Variants in UGT2A3 observed in about 807,000 individuals in gnomAD.
UGT2A3 encodes the protein UDP-glucuronosyltransferase 2A3.
In UGT2A3, 55 loss-of-function variants were observed where a neutral mutation model predicts 44.1. The ratio of observed to expected loss-of-function variants is 1.25; its 90% CI spans 1.00 to 1.56. The LOEUF (loss-of-function observed/expected upper bound fraction) is 1.56. Among genes scored for constraint, UGT2A3 ranks in the 40% most tolerant of loss-of-function variants. The pLI, the probability that UGT2A3 is intolerant of heterozygous loss-of-function variation, is 0.00. For synonymous variants in UGT2A3, 243 were observed against 215.1 expected, an observed-to-expected ratio of 1.13 and a Z score of -1.13; for missense variants, 733 against 621.6, an observed-to-expected ratio of 1.18 and a Z score of -1.91.
At chr4:68,940,398 G>A (rs1280323222) in intron 2 of UGT2A3, among the ~76,000 whole-genome samples, 2 of 151,978 alleles carry the variant, frequency 1.3e-5, no homozygotes, top group Non-Finnish European at 2.9e-5. Flanking sequence ...GTCCTTTTGA[G>A]GGACATGGAT....
chr4:68,941,441 A>T (rs562716188), intron 2 of UGT2A3, among the ~76,000 whole-genome samples: 2 of 151,956 alleles, frequency 1.3e-5, no homozygotes, highest in Non-Finnish European at 2.9e-5. Context: ...ATCCACATGC[A>T]GAAAATGAAA....
At position 68,951,563 on chromosome 4, in the gene UGT2A3, G is replaced by A. The variant is rs939109553; in HGVS notation, c.198C>T (p.Tyr66=). ...LTHSKPSLID[Y]RKPSALKFEV... ...CAAATTTCAATGCAGAAGGCTTCCT[G>A]TAGTCAATTAACGAAGGCTTTGAGT... The change falls in exon 1 of 6, where the codon TAC becomes TAT. Residue 66 remains tyrosine (Y), a synonymous_variant. Coordinates refer to ENST00000251566, the MANE Select transcript of UGT2A3 (RefSeq NM_024743.4). The A allele has an allele frequency of 1.9e-6, 3 of 1,612,946 alleles. No homozygotes were observed. The highest frequency in any genetic ancestry group is 2.5e-6 in the Non-Finnish European group (3 of 1,179,476).
At position 68,945,338 on chromosome 4, in the gene UGT2A3, A is replaced by G. The variant is rs1287409897; in HGVS notation, c.832T>C (p.Leu278=). 4 of 1,611,372 alleles carry G rather than the reference A, an allele frequency of 2.5e-6. No individual in the cohort carries two copies. ...YQPNFEFVGG[L]HCKPAKALPK... is the part of the protein sequence containing the mutation. ...AAAGCTTTGGCAGGTTTACAGTGCAATCCTCCAACAAACTCAAAGTTAGGT... is the reference window on the plus strand; with the variant it reads ...AAAGCTTTGGCAGGTTTACAGTGCAGTCCTCCAACAAACTCAAAGTTAGGT... The change falls in exon 2 of 6, where the codon TTG becomes CTG. Residue 278 remains leucine, a synonymous_variant. Coordinates refer to ENST00000251566, the MANE Select transcript of UGT2A3 (RefSeq NM_024743.4).
chr4:68,930,571 A>T lies in UGT2A3; in HGVS notation c.1279T>A (p.Leu427Met). The T allele has an allele frequency of 6.2e-7, 1 of 1,612,354 alleles. No homozygotes were observed. Among genetic ancestry groups the T allele is most frequent in the East Asian group, 2.2e-5 (1 of 44,800 alleles). Residue 427 changes from leucine to methionine, a missense_variant, in exon 5 of 6, where the codon TTG (leucine) becomes ATG (methionine). By Grantham distance (15) the Leu-to-Met change is conservative. Coordinates refer to ENST00000251566, the MANE Select transcript of UGT2A3 (RefSeq NM_024743.4). ...GAGGAATCGGTAATGACTGTTCTCA[A>T]AGCCCTCAGTAAATCTTCGCTTGTC... Reference protein sequence around the residue: ...TMTSEDLLRALRTVITDSSYK... With the variant: ...TMTSEDLLRAMRTVITDSSYK...
intron 3 of UGT2A3, among the ~76,000 whole-genome samples, chr4:68,931,809 T>C (rs1205803259): frequency 6.6e-6 from 1 of 152,012 alleles, no homozygotes; most frequent in Non-Finnish European, 1.5e-5. Context: ...TTCTTTGAGA[T>C]TGTACCTTTT....
chr4:68,934,075 C>A (rs1717845918), intron 2 of UGT2A3, among the ~76,000 whole-genome samples: 1 of 151,868 alleles, frequency 6.6e-6, no homozygotes, highest in African/African-American at 2.4e-5. Context: ...AGTATGACAT[C>A]TCTAAAATAA....
chr4:68,946,232 C>T (rs1426019766), intron 1 of UGT2A3, among the ~76,000 whole-genome samples: 1 of 151,624 alleles, frequency 6.6e-6, no homozygotes, highest in African/African-American at 2.4e-5. Context: ...TATCTCTTTA[C>T]AAAAACATAT....
chr4:68,934,289 AAC>A (rs1438868106), intron 2 of UGT2A3, among the ~76,000 whole-genome samples: 1 of 152,002 alleles, frequency 6.6e-6, no homozygotes, highest in Non-Finnish European at 1.5e-5. Context: ...TACAACAACG[AAC>A]ACACACATCA....
Position 68,930,785 on chromosome 4 carries a change from A to G in UGT2A3, c.1085-20T>C. The G allele has an allele frequency of 2.6e-6, 4 of 1,526,346 alleles. No individual in the cohort carries two copies. Among genetic ancestry groups the G allele is most frequent in the South Asian group, 2.5e-5 (2 of 78,996 alleles). The allele number at this position is 1,526,346 out of a possible 1,614,324, so 94.6% of individuals were successfully genotyped here. A position where few individuals can be genotyped will look rare whatever the true frequency, so the allele number is the denominator to read the frequency against. ...GATGACCTAGTATGTAAATTGGATG[A>G]GAAATGGTGAGATATTTTATTCTAA... On this transcript the variant is annotated intron_variant, in intron 4 of 5. Transcript: ENST00000251566.
intron 2 of UGT2A3, chr4:68,943,347 T>C (rs1298081906): frequency 2.0e-5 from 25 of 1,267,208 alleles, no homozygotes; most frequent in Non-Finnish European, 2.2e-5. Context: ...ATGCCATGGC[T>C]TAAGAGAGCT....
At chr4:68,950,978 A>C in intron 1 of UGT2A3, 68 bp downstream of exon 1, 5 of 1,107,886 alleles carry the variant, frequency 4.5e-6, no homozygotes, top group Non-Finnish European at 5.0e-6. Flanking sequence ...TGTCATAGAC[A>C]ATGTATGACA....
At chr4:68,935,904 G>T (rs888643109) in intron 2 of UGT2A3, among the ~76,000 whole-genome samples, 2 of 151,882 alleles carry the variant, frequency 1.3e-5, no homozygotes, top group Non-Finnish European at 2.9e-5. Context: ...GCATGAGAAC[G>T]TCATGACACA....
chr4:68,933,872 T>C (rs943152991), intron 2 of UGT2A3, among the ~76,000 whole-genome samples: 1 of 151,956 alleles, frequency 6.6e-6, no homozygotes, highest in Non-Finnish European at 1.5e-5. Flanking sequence ...TACTGCACTA[T>C]TTAGGTTCTG....
In UGT2A3 at chr4:68,951,660, C is replaced by G; in HGVS notation, c.101G>C (p.Ser34Thr). Reference protein sequence around the residue: ...GKVLVWPCDMSHWLNVKVILE... With the variant: ...GKVLVWPCDMTHWLNVKVILE... ...AATGACCTTGACATTAAGCCAATGG[C>G]TCATGTCACAGGGCCACACCAGGAC... Residue 34 changes from serine to threonine, a missense_variant, in exon 1 of 6, where the codon AGC (serine) becomes ACC (threonine). Coordinates refer to ENST00000251566, the MANE Select transcript of UGT2A3 (RefSeq NM_024743.4). The G allele has an allele frequency of 6.2e-7, 1 of 1,612,296 alleles. No homozygotes were observed. Among genetic ancestry groups the G allele is most frequent in the Non-Finnish European group, 8.5e-7 (1 of 1,179,342 alleles).
In UGT2A3 at chr4:68,930,541, C is replaced by T; in HGVS notation, c.1304+5G>A. The T allele has an allele frequency of 1.2e-6, 2 of 1,602,680 alleles. No individual in the cohort carries two copies. Among genetic ancestry groups the T allele is most frequent in the Non-Finnish European group, 1.7e-6 (2 of 1,174,062 alleles). ...AGATCAGTCTGTACAAGCAGTAGTA[C>T]TTACGAGGAATCGGTAATGACTGTT... On this transcript the variant is annotated splice_donor_5th_base_variant and intron_variant, in intron 5 of 5. Transcript: ENST00000251566.
chr4:68,945,189 T>C (rs572630943), intron 2 of UGT2A3, 117 bp downstream of exon 2: 25 of 1,179,560 alleles, frequency 2.1e-5, no homozygotes, highest in Non-Finnish European at 2.7e-5. Flanking sequence ...AAAATAAATA[T>C]GGAGCTGCAA....
intron 1 of UGT2A3, among the ~76,000 whole-genome samples, chr4:68,947,853 C>A (rs1400243198): frequency 6.6e-6 from 1 of 151,796 alleles, no homozygotes; most frequent in Non-Finnish European, 1.5e-5. Flanking sequence ...TAGGTCTCAA[C>A]AGTGTGCTTA....
At position 68,928,905 on chromosome 4, in the gene UGT2A3, C is replaced by A. The variant is rs929150498; in HGVS notation, c.*908G>T. Reference sequence around the variant, plus strand: ...TCACTGATCTTACTTTCAGAACAAGCATCTCTTTATTTTTCTACAGTAAAT... The same window carrying A: ...TCACTGATCTTACTTTCAGAACAAGAATCTCTTTATTTTTCTACAGTAAAT... On this transcript the variant is annotated 3_prime_UTR_variant, in exon 6 of 6. Coordinates refer to ENST00000251566, the MANE Select transcript of UGT2A3 (RefSeq NM_024743.4). 6.6e-6 allele frequency: 1 copy of A among 152,110 alleles called. No homozygotes were observed. Among genetic ancestry groups the A allele is most frequent in the East Asian group, 1.9e-4 (1 of 5,168 alleles). The allele number at this position is 152,110 out of a possible 1,614,324, so 9.4% of individuals were successfully genotyped here. A position where few individuals can be genotyped will look rare whatever the true frequency, so the allele number is the denominator to read the frequency against.
intron 2 of UGT2A3, chr4:68,943,168 A>T: frequency 1.0e-5 from 4 of 388,618 alleles, no homozygotes; most frequent in Non-Finnish European, 1.7e-5. Context: ...TAACTTTTTT[A>T]AAAATATGAC....
Sources: allele counts gnomAD v4.1 joint callset (sites outside exome capture counted in the v4.1 genomes callset), GRCh38; gene constraint gnomAD v4.1.1; transcripts MANE v1.5; gene names NCBI Gene and HGNC (gene_info 2026-07-23, HGNC 2026-07-21).